Variants in CABLES1 observed in about 807,000 individuals in gnomAD.
CABLES1 encodes Cdk5 and Abl enzyme substrate 1.
In CABLES1, 36 loss-of-function variants were observed where a neutral mutation model predicts 57.8. That is an observed-to-expected ratio of 0.62 (90% CI 0.48 to 0.82). The LOEUF (loss-of-function observed/expected upper bound fraction) is 0.82, where lower values mean the gene tolerates loss of function less well. CABLES1 is among the 40% of genes least tolerant of loss of function. The pLI is 0.00. For missense variants in CABLES1, 767 were observed against 836.6 expected (o/e 0.92, Z 1.03); for synonymous variants, 374 against 363.0 (o/e 1.03, Z -0.35).
At chr18:23,170,907 G>T (rs2047077702) in intron 1 of CABLES1, among the ~76,000 whole-genome samples, 1 of 152,064 alleles carries the variant, frequency 6.6e-6, no homozygotes, top group Admixed American at 6.6e-5. Flanking sequence ...AGCGATTCTG[G>T]TGCCTCAGCC....
chr18:23,188,373 T>G (rs1187542406), intron 1 of CABLES1, among the ~76,000 whole-genome samples: 2 of 152,250 alleles, frequency 1.3e-5, no homozygotes, highest in Non-Finnish European at 2.9e-5. Context: ...ACCTTTTTAT[T>G]GCATCCTAAT....
At chr18:23,201,811 C>T (rs1395680930) in intron 3 of CABLES1, among the ~76,000 whole-genome samples, 2 of 152,130 alleles carry the variant, frequency 1.3e-5, no homozygotes, top group African/African-American at 2.4e-5. Flanking sequence ...GATAATGTGC[C>T]ATGGAGAGAG....
chr18:23,158,138 AC>A lies in CABLES1; in HGVS notation c.845+21532del, dbSNP rs146564418. ...CTCTATTAAAAAAAAAAAAAAAAAA[AC>A]AAACCCACAAAATTTAGCTGGGTGT... On this transcript the variant is annotated intron_variant, in intron 1 of 9. Transcript: ENST00000256925. 5.0e-3 allele frequency among the ~76,000 whole-genome samples: 666 copies of A among 133,634 alleles called. 2 individuals are homozygous for A. The highest frequency in any genetic ancestry group is 0.011 in the African/African-American group (383 of 36,174). The allele number at this position is 133,634 out of a possible 152,430, so 87.7% of individuals were successfully genotyped here.
intron 1 of CABLES1, among the ~76,000 whole-genome samples, chr18:23,185,529 C>G (rs2047196699): frequency 6.6e-6 from 1 of 152,146 alleles, no homozygotes; most frequent in South Asian, 2.1e-4. Context: ...GTGAACCTGC[C>G]TGTCTGGGCT....
intron 1 of CABLES1, among the ~76,000 whole-genome samples, chr18:23,187,225 TGTTA>T (rs1239060132): frequency 6.6e-6 from 1 of 152,212 alleles, no homozygotes; most frequent in Non-Finnish European, 1.5e-5. Context: ...GGAAATTCAC[TGTTA>T]GTTAATTGCA....
chr18:23,155,933 A>G (rs2046962316), intron 1 of CABLES1: 1 of 1,614,176 alleles, frequency 6.2e-7, no homozygotes. Flanking sequence ...CCATGCAAGA[A>G]TATATGCTGA....
intron 7 of CABLES1, among the ~76,000 whole-genome samples, chr18:23,245,245 T>C (rs2337028): frequency 0.08 from 12,139 of 152,216 alleles, 833 homozygotes; most frequent in Admixed American, 0.24. Flanking sequence ...TAGTGCCTCA[T>C]GCCTGTAACC....
intron 3 of CABLES1, among the ~76,000 whole-genome samples, chr18:23,202,725 G>A (rs1387375331): frequency 2.0e-5 from 3 of 152,332 alleles, no homozygotes; most frequent in African/African-American, 7.2e-5. Context: ...GGTGGCTCAC[G>A]CCTGTAATCC....
intron 9 of CABLES1, among the ~76,000 whole-genome samples, chr18:23,256,201 C>T (rs931892487): frequency 1.3e-5 from 2 of 152,236 alleles, no homozygotes; most frequent in East Asian, 1.9e-4. Context: ...GACGCCAAGG[C>T]AGAATGTGCC....
At chr18:23,181,442 G>T (rs2047165260) in intron 1 of CABLES1, among the ~76,000 whole-genome samples, 1 of 120,256 alleles carries the variant, frequency 8.3e-6, no homozygotes, top group African/African-American at 3.1e-5. Flanking sequence ...GTTGTGGTAA[G>T]CCAAGATCAC....
chr18:23,243,431 G>C (rs942931667), intron 7 of CABLES1, among the ~76,000 whole-genome samples: 26 of 149,580 alleles, frequency 1.7e-4, no homozygotes, highest in Admixed American at 1.3e-3. Flanking sequence ...ATTGTGCTGT[G>C]TGGGGGAGGG....
chr18:23,206,239 A>G (rs1471663462), intron 3 of CABLES1, among the ~76,000 whole-genome samples: 1 of 152,048 alleles, frequency 6.6e-6, no homozygotes, highest in African/African-American at 2.4e-5. Context: ...CCATGGCTGC[A>G]ATCCCCACCT....
chr18:23,183,950 A>G (rs916229581), intron 1 of CABLES1, among the ~76,000 whole-genome samples: 1 of 152,104 alleles, frequency 6.6e-6, no homozygotes, highest in Non-Finnish European at 1.5e-5. Context: ...ACTACGACAT[A>G]CCTTGGGAGG....
In CABLES1 at chr18:23,257,351, T is replaced by C. The variant is rs1301146777; in HGVS notation, c.1886T>C (p.Leu629Pro). The change falls in exon 10 of 10, where the codon CTG becomes CCG. Residue 629 changes from leucine to proline, a missense_variant. By Grantham distance (98) the Leu-to-Pro change is moderately conservative (BLOSUM62 -3). Coordinates refer to ENST00000256925, the MANE Select transcript of CABLES1 (RefSeq NM_001100619.3). ...GAAGTCATGCCCCACTACAGACGGCTGGTCCAGAGTTCCTAGCACTGGCCC... is the reference window on the plus strand; with the variant it reads ...GAAGTCATGCCCCACTACAGACGGCCGGTCCAGAGTTCCTAGCACTGGCCC... ...EHEVMPHYRR[L>P]VQSS 6.2e-7 allele frequency: 1 copy of C among 1,608,846 alleles called. No homozygotes were observed. Among genetic ancestry groups the C allele is most frequent in the East Asian group, 2.2e-5 (1 of 44,778 alleles).
chr18:23,213,839 C>T, intron 3 of CABLES1, 138 bp from the exon 4 acceptor site: 1 of 595,762 alleles, frequency 1.7e-6, no homozygotes, highest in Non-Finnish European at 2.9e-6. Flanking sequence ...AGCAGAATAC[C>T]ATCTGCCAGA....
intron 1 of CABLES1, among the ~76,000 whole-genome samples, chr18:23,179,846 A>G (rs1598814490): frequency 1.3e-5 from 2 of 152,246 alleles, no homozygotes; most frequent in South Asian, 4.1e-4. Context: ...AAGAGGTAGC[A>G]GCTGACTTTT....
At chr18:23,185,674 GT>G (rs2047197721) in intron 1 of CABLES1, among the ~76,000 whole-genome samples, 1 of 152,128 alleles carries the variant, frequency 6.6e-6, no homozygotes, top group African/African-American at 2.4e-5. Flanking sequence ...ACTTGCCTGG[GT>G]GCAGATTGAA....
chr18:23,166,292 C>T (rs1274290708), intron 1 of CABLES1, among the ~76,000 whole-genome samples: 1 of 151,842 alleles, frequency 6.6e-6, no homozygotes, highest in Admixed American at 6.6e-5. Context: ...ACCTCCGCCT[C>T]TTGGGTTCAA....
rs551389833 is a variant in CABLES1 at position 23,157,962 on chromosome 18, C to T, written c.845+21355C>T. ...ATAAATAAAGTAAAACATTTCCGAT[C>T]CTTGGTTTCCTTAATTGTAAATAAA... On this transcript the variant is annotated intron_variant, in intron 1 of 9. Coordinates refer to ENST00000256925, the MANE Select transcript of CABLES1 (RefSeq NM_001100619.3). 1.2e-4 allele frequency among the ~76,000 whole-genome samples: 19 copies of T among 152,142 alleles called. No homozygotes were observed. The South Asian group carries it at 3.7e-3, about 30-fold the overall frequency.
Sources: gnomAD v4.1 joint callset for allele counts (sites outside exome capture counted in the v4.1 genomes callset) on GRCh38, gnomAD v4.1.1 for gene constraint, MANE v1.5 for transcripts, NCBI Gene and HGNC (gene_info 2026-07-23, HGNC 2026-07-21) for gene names.